Variants in TRIM41 observed in about 807,000 individuals in gnomAD.
TRIM41 encodes the protein E3 ubiquitin-protein ligase TRIM41.
TRIM41 carries 21 observed loss-of-function variants against 60.6 expected under a neutral mutation model. That is an observed-to-expected ratio of 0.35 (90% CI 0.25 to 0.50). The LOEUF (loss-of-function observed/expected upper bound fraction) is 0.50, where lower values mean the gene tolerates loss of function less well. TRIM41 is among the 20% of genes least tolerant of loss of function. The pLI is 0.98. For synonymous variants in TRIM41, 407 were observed against 344.9 expected (o/e 1.18, Z -2.00); for missense variants, 846 against 868.3 (o/e 0.97, Z 0.32).
chr5:181,232,989 G>A (rs1468701582), intron 3 of TRIM41, 100 bp downstream of exon 3: 1 of 1,210,282 alleles, frequency 8.3e-7, no homozygotes, highest in Non-Finnish European at 1.2e-6. Context: ...CTCCCTGGGA[G>A]GAACCCACAG....
chr5:181,230,633 G>A lies in TRIM41; in HGVS notation c.814-111G>A, dbSNP rs559196861. On this transcript the variant is annotated intron_variant, in intron 1 of 5. Transcript: ENST00000315073. ...TAATACTCACTTGACACCCATTTTC[G>A]GGGGTAGGGATCAGGCTTTGACCCA... is the stretch of plus-strand genomic sequence containing the variant. 8.7e-5 allele frequency: 65 copies of A among 750,590 alleles called. No individual in the cohort carries two copies. In the East Asian group the frequency reaches 1.4e-3, roughly 16 times the overall value. The allele number at this position is 750,590 out of a possible 1,614,324, so 46.5% of individuals were successfully genotyped here.
In TRIM41 at chr5:181,235,748, C is replaced by G; in HGVS notation, c.*973C>G. ...CCTCTGCTTTGATGGCTGAGGTGAA[C>G]TCATGTTCTTTGGGAAAAGGGAAGG... On this transcript the variant is annotated 3_prime_UTR_variant, in exon 6 of 6. Transcript: ENST00000315073. 4.0e-6 allele frequency: 1 copy of G among 251,728 alleles called. No individual in the cohort carries two copies. The highest frequency in any genetic ancestry group is 7.9e-6 in the Non-Finnish European group (1 of 127,060). The allele number at this position is 251,728 out of a possible 1,614,324, so 15.6% of individuals were successfully genotyped here.
At position 181,224,279 on chromosome 5, in the gene TRIM41, G is replaced by A. The variant is rs1348964195; in HGVS notation, c.280G>A (p.Asp94Asn). 9.9e-6 allele frequency: 16 copies of A among 1,614,116 alleles called. No individual in the cohort carries two copies. Among genetic ancestry groups the A allele is most frequent in the Non-Finnish European group, 1.3e-5 (15 of 1,180,000 alleles). Residue 94 changes from aspartate (D) to asparagine (N), a missense_variant, in exon 1 of 6, where the codon GAC becomes AAC. By Grantham distance (23) the Asp-to-Asn change is conservative (BLOSUM62 1). Transcript: ENST00000315073. ...TPMRDEDYEG[D>N]MEEEVEEEEE... Reference sequence around the variant, plus strand: ...CATGCGGGATGAAGACTACGAGGGTGACATGGAGGAGGAGGTCGAGGAGGA... The same window carrying A: ...CATGCGGGATGAAGACTACGAGGGTAACATGGAGGAGGAGGTCGAGGAGGA...
At chr5:181,224,916 T>C (rs748771223) in intron 1 of TRIM41, 104 bp downstream of exon 1, 5 of 1,502,576 alleles carry the variant, frequency 3.3e-6, no homozygotes, top group African/African-American at 2.8e-5. Flanking sequence ...AAGAACCTCA[T>C]GGTATTGGTG....
Position 181,235,182 on chromosome 5 carries a change from G to A in TRIM41, c.*407G>A. ...TTCTGAGGCTGGAGGGTTTGGGCAA[G>A]GCAACATCCCCATTCCAATTCCATT... On this transcript the variant is annotated 3_prime_UTR_variant, in exon 6 of 6. Transcript: ENST00000315073. 4 of 1,537,746 alleles carry A rather than the reference G, an allele frequency of 2.6e-6. No homozygotes were observed. In the South Asian group the frequency reaches 3.7e-5, roughly 14 times the overall value.
In TRIM41 at chr5:181,235,230, G is replaced by C. The variant is rs188806759; in HGVS notation, c.*455G>C. The C allele has an allele frequency of 5.0e-6, 8 of 1,585,162 alleles. No individual in the cohort carries two copies. The highest frequency in any genetic ancestry group is 1.8e-5 in the Admixed American group (1 of 55,596). ...ATTTTCTGATGCAGATTTTAGCTGA[G>C]GGATTTGGAAGCCATTTGGGGAGGC... On this transcript the variant is annotated 3_prime_UTR_variant, in exon 6 of 6. Transcript: ENST00000315073.
Position 181,235,486 on chromosome 5 carries a change from T to C in TRIM41, c.*711T>C, listed in dbSNP as rs1477394446. ...TCTTCCCCCTTCCCTTTTCCAGCAC[T>C]CAACCAAGGAGCAAAGCTCATCCCA... On this transcript the variant is annotated 3_prime_UTR_variant, in exon 6 of 6. Transcript: ENST00000315073. 6.5e-7 allele frequency: 1 copy of C among 1,537,200 alleles called. No homozygotes were observed. The highest frequency in any genetic ancestry group is 8.8e-7 in the Non-Finnish European group (1 of 1,130,712).
rs79041248 is a variant in TRIM41 at position 181,233,383 on chromosome 5, T to A, written c.1141-30T>A. The A allele has an allele frequency of 1.4e-4, 218 of 1,608,752 alleles. No homozygotes were observed. Among genetic ancestry groups the A allele is most frequent in the Non-Finnish European group, 1.7e-4 (196 of 1,175,712 alleles). Reference sequence around the variant, plus strand: ...GACACTCTCTTTATCTCTTTCTCCCTCTCCCTCTTTTTGTTTCTCTTATTC... The same window carrying A: ...GACACTCTCTTTATCTCTTTCTCCCACTCCCTCTTTTTGTTTCTCTTATTC... On this transcript the variant is annotated intron_variant, in intron 3 of 5. Transcript: ENST00000315073. The surrounding 1 kb of genome is among the most constrained non-coding windows in gnomAD (Gnocchi z 4.1).
Position 181,223,646 on chromosome 5 carries a change from G to T in TRIM41, c.-354G>T. On this transcript the variant is annotated 5_prime_UTR_variant, in exon 1 of 6. Coordinates refer to ENST00000315073, the MANE Select transcript of TRIM41 (RefSeq NM_033549.5). ...GAGCTTAGGTGGTGTGTAGACGCCG[G>T]AAGTGTTGGGAAGGAGGCCGGAAGC... The T allele has an allele frequency of 6.1e-6, 3 of 489,594 alleles. No individual in the cohort carries two copies. The highest frequency in any genetic ancestry group is 8.4e-5 in the South Asian group (2 of 23,868). 30.3% of individuals were successfully genotyped at this position (489,594 alleles called of 1,614,324 possible).
In TRIM41 at chr5:181,224,457, A is replaced by G. The variant is rs1022446757; in HGVS notation, c.458A>G (p.Glu153Gly). The change falls in exon 1 of 6, where the codon GAG becomes GGG. Residue 153 changes from glutamate to glycine, a missense_variant. Glu to Gly is a moderately conservative substitution (Grantham distance 98). Coordinates refer to ENST00000315073, the MANE Select transcript of TRIM41 (RefSeq NM_033549.5). The part of the protein sequence containing the change: ...EDLRGEDEED[E>G]EEVLEEVEEE... ...CTGAGGGGGGAGGATGAGGAGGACG[A>G]GGAGGAAGTGCTGGAGGAGGTTGAG... 2 of 1,613,672 alleles carry G rather than the reference A, an allele frequency of 1.2e-6. No individual in the cohort carries two copies. Among genetic ancestry groups the G allele is most frequent in the African/African-American group, 2.7e-5 (2 of 74,888 alleles).
rs755827489 is a variant in TRIM41 at position 181,224,037 on chromosome 5, C to T, written c.38C>T (p.Thr13Ile). Residue 13 changes from threonine (T) to isoleucine (I), a missense_variant, in exon 1 of 6, where the codon ACC (threonine) becomes ATC (isoleucine). Transcript: ENST00000315073. ...AVAMTPNPVQ[T>I]LQEEAVCAIC... ...GCCATGACACCCAACCCTGTGCAGA[C>T]CCTTCAGGAGGAGGCGGTGTGCGCC... 2.5e-6 allele frequency: 4 copies of T among 1,614,040 alleles called. No individual in the cohort carries two copies. The highest frequency in any genetic ancestry group is 1.1e-5 in the South Asian group (1 of 91,090).
chr5:181,229,277 G>C (rs934285656), intron 1 of TRIM41: 5 of 152,240 alleles, frequency 3.3e-5, no homozygotes, highest in African/African-American at 1.2e-4. Flanking sequence ...CAGTAAGTGT[G>C]CTATCCATGA....
Position 181,232,899 on chromosome 5 carries a change from G to A in TRIM41, c.1140+10G>A, listed in dbSNP as rs200159805. ...TCTCCGGCTGCTCCAGGTGAGCAATGTCCCCTCCCTGTTCCCCCAGCATTC... is the reference window on the plus strand; with the variant it reads ...TCTCCGGCTGCTCCAGGTGAGCAATATCCCCTCCCTGTTCCCCCAGCATTC... On this transcript the variant is annotated intron_variant, in intron 3 of 5. Coordinates refer to ENST00000315073, the MANE Select transcript of TRIM41 (RefSeq NM_033549.5). The A allele has an allele frequency of 2.6e-6, 4 of 1,537,556 alleles. No homozygotes were observed. The highest frequency in any genetic ancestry group is 3.5e-6 in the Non-Finnish European group (4 of 1,146,154).
Position 181,233,332 on chromosome 5 carries a change from T to TGA in TRIM41, c.1141-81_1141-80insGA. The TGA allele has an allele frequency of 7.0e-7, 1 of 1,429,072 alleles. No individual in the cohort carries two copies. The highest frequency in any genetic ancestry group is 1.7e-5 in the Admixed American group (1 of 59,790). The allele number at this position is 1,429,072 out of a possible 1,614,324, so 88.5% of individuals were successfully genotyped here. On this transcript the variant is annotated intron_variant, in intron 3 of 5. Coordinates refer to ENST00000315073, the MANE Select transcript of TRIM41 (RefSeq NM_033549.5). This position sits in a 1 kb window ranked among gnomAD's most constrained non-coding sequence, Gnocchi z 4.1. ...CTCAGGTTCAGTCTCTGACTGGAGATCGGGGAACGCTGTCCCTGTGCAGCT... is the reference window on the plus strand; with the variant it reads ...CTCAGGTTCAGTCTCTGACTGGAGATGACGGGGAACGCTGTCCCTGTGCAGCT...
At chr5:181,224,994 CAG>C (rs1758486027) in intron 1 of TRIM41, 182 bp downstream of exon 1, 1 of 737,818 alleles carries the variant, frequency 1.4e-6, no homozygotes, top group East Asian at 2.7e-5. Flanking sequence ...ATTCTGTACA[CAG>C]AGCAGATGCA....
chr5:181,231,845 A>G (rs1443261860), intron 2 of TRIM41: 2 of 152,210 alleles, frequency 1.3e-5, no homozygotes, highest in Non-Finnish European at 2.9e-5. Context: ...TCTGCAGCCG[A>G]TGGTAGCTGT....
At position 181,224,294 on chromosome 5, in the gene TRIM41, G is replaced by A. The variant is rs780176413; in HGVS notation, c.295G>A (p.Val99Ile). 2.5e-6 allele frequency: 4 copies of A among 1,614,170 alleles called. No individual in the cohort carries two copies. The highest frequency in any genetic ancestry group is 3.3e-5 in the Admixed American group (2 of 60,032). Residue 99 changes from valine to isoleucine, a missense_variant, in exon 1 of 6, where the codon GTC (valine) becomes ATC (isoleucine). Val to Ile is a conservative substitution (Grantham distance 29). Coordinates refer to ENST00000315073, the MANE Select transcript of TRIM41 (RefSeq NM_033549.5). Reference sequence around the variant, plus strand: ...CTACGAGGGTGACATGGAGGAGGAGGTCGAGGAGGAAGAAGAGGGTGTGTT... The same window carrying A: ...CTACGAGGGTGACATGGAGGAGGAGATCGAGGAGGAAGAAGAGGGTGTGTT... ...EDYEGDMEEEVEEEEEGVFWT... is the reference protein window; with the variant it reads ...EDYEGDMEEEIEEEEEGVFWT...
chr5:181,228,361 A>T (rs1328856736), intron 1 of TRIM41: 1 of 151,418 alleles, frequency 6.6e-6, no homozygotes, highest in Non-Finnish European at 1.5e-5. Flanking sequence ...GGAGTTCAAG[A>T]CCAGCCTGGC....
chr5:181,226,105 T>C (rs1758540897), intron 1 of TRIM41: 1 of 152,082 alleles, frequency 6.6e-6, no homozygotes, highest in Admixed American at 6.5e-5. Flanking sequence ...GAGTGGCCTT[T>C]TTTTTTTTTA....
Sources: allele counts gnomAD v4.1 joint callset, GRCh38; gene constraint gnomAD v4.1.1; non-coding constraint Gnocchi (gnomAD v3.1); transcripts MANE v1.5; gene names NCBI Gene and HGNC (gene_info 2026-07-23, HGNC 2026-07-21).